The following SLC25A19 variants were observed in gnomAD, a reference collection of about 807,000 sequenced individuals.
The protein encoded by SLC25A19 is mitochondrial thiamine pyrophosphate carrier.
Under a neutral mutation model 27.9 loss-of-function variants are expected in SLC25A19, and 18 were observed. That is an observed-to-expected ratio of 0.64 (90% confidence interval 0.45 to 0.96). The LOEUF is 0.96. Ranked by LOEUF, SLC25A19 falls within the 40% of genes least tolerant of loss-of-function variation. The pLI, the probability that SLC25A19 is intolerant of heterozygous loss-of-function variation, is 0.00. For missense variants in SLC25A19, 371 were observed against 418.3 expected, an observed-to-expected ratio of 0.89 and a Z score of 0.99; for synonymous variants, 169 against 167.1, an observed-to-expected ratio of 1.01 and a Z score of -0.09.
intron 7 of SLC25A19, among the ~76,000 whole-genome samples, chr17:75,274,962 G>A (rs1247210167): frequency 7.0e-6 from 1 of 143,106 alleles, no homozygotes; most frequent in Non-Finnish European, 1.5e-5. Context: ...GAAATTACAA[G>A]GGATTTTGGT....
At chr17:75,286,521 T>C (rs888452729) in intron 3 of SLC25A19, 62 bp from the exon 4 acceptor site, 14 of 1,613,094 alleles carry the variant, frequency 8.7e-6, no homozygotes, top group Admixed American at 8.3e-5. Flanking sequence ...AGGGGAACTT[T>C]CAGAAAAGGC....
At chr17:75,287,938 G>A (rs541545051) in intron 2 of SLC25A19, among the ~76,000 whole-genome samples, 1 of 152,262 alleles carries the variant, frequency 6.6e-6, no homozygotes, top group African/African-American at 2.4e-5. Context: ...GAGGTCAGGA[G>A]TTCAAGACCA....
intron 7 of SLC25A19, 60 bp from the exon 8 acceptor site, chr17:75,273,699 CT>C: frequency 1.4e-6 from 2 of 1,459,740 alleles, no homozygotes; most frequent in Non-Finnish European, 1.9e-6. Context: ...AACACAGCCC[CT>C]GGCACATCAC....
intron 5 of SLC25A19, among the ~76,000 whole-genome samples, chr17:75,278,914 C>T (rs980572244): frequency 2.0e-5 from 3 of 151,276 alleles, no homozygotes; most frequent in Admixed American, 6.6e-5. Context: ...ACCTGGGAGG[C>T]GGAGGTTGCA....
chr17:75,282,577 C>T (rs950725544), intron 5 of SLC25A19, among the ~76,000 whole-genome samples: 4 of 151,116 alleles, frequency 2.6e-5, no homozygotes, highest in African/African-American at 7.3e-5. Context: ...AAAAATAGGT[C>T]GGGCACGGTG....
rs568601860 is a variant in SLC25A19, at chr17:75,286,699, C to A, written c.66G>T (p.Gly22=). 8.1e-6 allele frequency: 13 copies of A among 1,614,170 alleles called. No homozygotes were observed. Among genetic ancestry groups the A allele is most frequent in the African/African-American group, 2.7e-5 (2 of 75,042 alleles). The stretch of plus-strand genomic sequence containing the variant: ...CCCGAGTAACAAGTCCAGACACAGA[C>A]CCAGCCACTGCCACCTGGAACTTGG... The part of the protein sequence containing the change: ...NNTKFQVAVA[G]SVSGLVTRAL... Residue 22 remains glycine (G), a synonymous_variant, in exon 3 of 8, where the codon GGG becomes GGT. Transcript: ENST00000416858.
Position 75,273,600 on chromosome 17 carries a change from C to T in SLC25A19, c.814G>A (p.Val272Met), listed in dbSNP as rs1490905639. ...YKGLMDCAKQ[V>M]LQKEGALGFF... Reference sequence around the variant, plus strand: ...CCCAGGGCGCCTTCCTTTTGCAGCACCTGCTTGGCACAGTCCATGAGGCCC... The same window carrying T: ...CCCAGGGCGCCTTCCTTTTGCAGCATCTGCTTGGCACAGTCCATGAGGCCC... Residue 272 changes from valine (V) to methionine (M), a missense_variant, in exon 8 of 8, where the codon GTG becomes ATG. Coordinates refer to ENST00000416858, the MANE Select transcript of SLC25A19 (RefSeq NM_001126121.2). The T allele has an allele frequency of 1.9e-6, 3 of 1,613,258 alleles. No homozygotes were observed. Among genetic ancestry groups the T allele is most frequent in the Non-Finnish European group, 2.5e-6 (3 of 1,179,904 alleles).
intron 6 of SLC25A19, 128 bp downstream of exon 6, chr17:75,278,024 A>T: frequency 1.0e-6 from 1 of 974,128 alleles, no homozygotes; most frequent in Non-Finnish European, 1.6e-6. Context: ...TTGCCACATT[A>T]CAGAGCCAGG....
chr17:75,284,349 G>A (rs2078130425), intron 4 of SLC25A19, among the ~76,000 whole-genome samples: 1 of 152,218 alleles, frequency 6.6e-6, no homozygotes, highest in African/African-American at 2.4e-5. Context: ...GTTGCAGTGA[G>A]CTGAGATTGC....
At chr17:75,276,387 G>A (rs1040873478) in intron 7 of SLC25A19, among the ~76,000 whole-genome samples, 2 of 152,136 alleles carry the variant, frequency 1.3e-5, no homozygotes, top group African/African-American at 4.8e-5. Context: ...TTAATATTTG[G>A]GGACCTTCCT....
At chr17:75,280,630 T>TG (rs1286177721) in intron 5 of SLC25A19, among the ~76,000 whole-genome samples, 1 of 148,726 alleles carries the variant, frequency 6.7e-6, no homozygotes, top group Non-Finnish European at 1.5e-5. Flanking sequence ...CTGGCCAACA[T>TG]GGCAAAACCC....
intron 5 of SLC25A19, among the ~76,000 whole-genome samples, chr17:75,282,263 T>C (rs1232428916): frequency 6.8e-6 from 1 of 146,100 alleles, no homozygotes; most frequent in Non-Finnish European, 1.5e-5. Flanking sequence ...AAAAAATATA[T>C]ATATAGGCCA....
At position 75,283,512 on chromosome 17, in the gene SLC25A19, A is replaced by C; in HGVS notation, c.370T>G (p.Cys124Gly). The change falls in exon 5 of 8, where the codon TGT becomes GGT. Residue 124 changes from cysteine (C) to glycine (G), a missense_variant. Cys to Gly is a radical substitution (Grantham distance 159). Transcript: ENST00000416858. ...DAREFSVHFVCGGLAACMATL... is the reference protein window; with the variant it reads ...DAREFSVHFVGGGLAACMATL... ...GCCATACAGGCAGCCAGGCCACCACATACAAAGTGCACTGAGAATTCCCGG... is the reference window on the plus strand; with the variant it reads ...GCCATACAGGCAGCCAGGCCACCACCTACAAAGTGCACTGAGAATTCCCGG... 6.2e-7 allele frequency: 1 copy of C among 1,613,800 alleles called. No homozygotes were observed. Among genetic ancestry groups the C allele is most frequent in the Non-Finnish European group, 8.5e-7 (1 of 1,179,930 alleles).
Position 75,273,344 on chromosome 17 carries a change from G to T in SLC25A19, c.*107C>A. ...GGGTTCAAGGCTGCTACCCCGCTTG[G>T]GGCAGCTGGCCTGCAGGGAAGGGCC... On this transcript the variant is annotated 3_prime_UTR_variant, in exon 8 of 8. Transcript: ENST00000416858. 1 of 1,310,266 alleles carries T rather than the reference G, an allele frequency of 7.6e-7. No individual in the cohort carries two copies. The highest frequency in any genetic ancestry group is 1.1e-6 in the Non-Finnish European group (1 of 942,022). 81.2% of individuals were successfully genotyped at this position (1,310,266 alleles called of 1,614,324 possible).
Position 75,286,721 on chromosome 17 carries a change from T to G in SLC25A19, c.44A>C (p.Lys15Thr). 1 of 1,614,208 alleles carries G rather than the reference T, an allele frequency of 6.2e-7. No individual in the cohort carries two copies. Among genetic ancestry groups the G allele is most frequent in the South Asian group, 1.1e-5 (1 of 91,086 alleles). The change falls in exon 3 of 8, where the codon AAG becomes ACG. Residue 15 changes from lysine to threonine, a missense_variant. Coordinates refer to ENST00000416858, the MANE Select transcript of SLC25A19 (RefSeq NM_001126121.2). ...DPKPDGRNNT[K>T]FQVAVAGSVS... is the part of the protein sequence containing the mutation. Reference sequence around the variant, plus strand: ...AGACCCAGCCACTGCCACCTGGAACTTGGTGTTATTCCTGCCATCTGGTTT... The same window carrying G: ...AGACCCAGCCACTGCCACCTGGAACGTGGTGTTATTCCTGCCATCTGGTTT...
intron 5 of SLC25A19, among the ~76,000 whole-genome samples, chr17:75,281,488 A>G (rs2078038097): frequency 6.6e-6 from 1 of 151,988 alleles, no homozygotes; most frequent in Non-Finnish European, 1.5e-5. Context: ...CCTGAAGTCA[A>G]GAGTTTGAGA....
intron 7 of SLC25A19, among the ~76,000 whole-genome samples, chr17:75,276,927 C>CCAT (rs1260534791): frequency 1.3e-5 from 2 of 151,236 alleles, no homozygotes; most frequent in African/African-American, 4.8e-5. Flanking sequence ...TCGTGATCCA[C>CCAT]CCACCTTGGC....
intron 5 of SLC25A19, 60 bp from the exon 6 acceptor site, chr17:75,278,395 C>G (rs2077951531): frequency 6.3e-7 from 1 of 1,586,682 alleles, no homozygotes; most frequent in African/African-American, 1.4e-5. Flanking sequence ...CTGGAACAGC[C>G]CATCATAGCT....
rs1272625776 is a variant in SLC25A19 at position 75,286,675 on chromosome 17, C to G, written c.90G>C (p.Arg30=). The G allele has an allele frequency of 1.2e-6, 2 of 1,614,092 alleles. No homozygotes were observed. Among genetic ancestry groups the G allele is most frequent in the Non-Finnish European group, 1.7e-6 (2 of 1,180,030 alleles). Reference sequence around the variant, plus strand: ...TGACGTCGAAGGGACTGATCAGCGCCCGAGTAACAAGTCCAGACACAGACC... The same window carrying G: ...TGACGTCGAAGGGACTGATCAGCGCGCGAGTAACAAGTCCAGACACAGACC... ...VAGSVSGLVT[R]ALISPFDVIK... is the part of the protein sequence containing the mutation. Residue 30 remains arginine, a synonymous_variant, in exon 3 of 8, where the codon CGG becomes CGC. Transcript: ENST00000416858.
Sources: gnomAD v4.1 joint callset for allele counts (sites outside exome capture counted in the v4.1 genomes callset) on GRCh38, gnomAD v4.1.1 for gene constraint, MANE v1.5 for transcripts, NCBI Gene and HGNC (gene_info 2026-07-23, HGNC 2026-07-21) for gene names.